Variants in ZSWIM5 observed in about 807,000 individuals in gnomAD.
ZSWIM5 encodes zinc finger SWIM domain-containing protein 5.
A neutral mutation model predicts 119.6 loss-of-function variants in ZSWIM5; 55 were observed. The observed-to-expected ratio is 0.46, with a 90% CI of 0.37 to 0.58. The LOEUF (loss-of-function observed/expected upper bound fraction) is 0.58, where lower values mean the gene tolerates loss of function less well. Ranked by LOEUF, ZSWIM5 falls within the 20% of genes least tolerant of loss-of-function variation. ZSWIM5 has a pLI of 0.00. For synonymous variants in ZSWIM5, 537 were observed against 606.9 expected (o/e 0.88, Z 1.69); for missense variants, 1,193 against 1,512.8 (o/e 0.79, Z 3.51).
At chr1:45,064,021 G>A (rs16832411) in intron 2 of ZSWIM5, among the ~76,000 whole-genome samples, 22,616 of 151,654 alleles carry the variant, frequency 0.15, 2,153 homozygotes, top group African/African-American at 0.26. Context: ...AGTGTACAGA[G>A]AGGCTAACAC....
chr1:45,199,447 C>T (rs960049696), intron 1 of ZSWIM5, among the ~76,000 whole-genome samples: 6 of 152,092 alleles, frequency 3.9e-5, no homozygotes, highest in African/African-American at 7.2e-5. Context: ...TACAGGCATA[C>T]GCCACCACAC....
At chr1:45,167,537 A>G (rs959108803) in intron 1 of ZSWIM5, among the ~76,000 whole-genome samples, 1 of 152,112 alleles carries the variant, frequency 6.6e-6, no homozygotes, top group Non-Finnish European at 1.5e-5. Flanking sequence ...TGAACAGGCA[A>G]CCTACAGAAT....
intron 4 of ZSWIM5, among the ~76,000 whole-genome samples, chr1:45,055,212 A>C (rs182456935): frequency 2.6e-5 from 4 of 152,154 alleles, no homozygotes; most frequent in Admixed American, 6.5e-5. Flanking sequence ...GGATGGTCTC[A>C]ATCTCCTGAC....
At chr1:45,118,689 C>T (rs1226436316) in intron 1 of ZSWIM5, among the ~76,000 whole-genome samples, 1 of 146,754 alleles carries the variant, frequency 6.8e-6, no homozygotes, top group African/African-American at 2.5e-5. Context: ...TTGCAGTGAG[C>T]TGAGATGAAG....
At chr1:45,094,810 G>A (rs1181336016) in intron 1 of ZSWIM5, among the ~76,000 whole-genome samples, 1 of 151,018 alleles carries the variant, frequency 6.6e-6, no homozygotes, top group African/African-American at 2.4e-5. Context: ...CTGGGAGATC[G>A]AGGTTACAGT....
At chr1:45,079,313 C>A (rs1489868129) in intron 2 of ZSWIM5, among the ~76,000 whole-genome samples, 1 of 152,246 alleles carries the variant, frequency 6.6e-6, no homozygotes, top group Non-Finnish European at 1.5e-5. Context: ...GTTGCTTACA[C>A]AAAGCCTGTT....
intron 1 of ZSWIM5, among the ~76,000 whole-genome samples, chr1:45,099,351 A>T (rs1438037450): frequency 6.6e-6 from 1 of 152,256 alleles, no homozygotes. Flanking sequence ...TAAACCAGGA[A>T]GAAATTGAAT....
At chr1:45,172,266 G>A (rs1050658360) in intron 1 of ZSWIM5, among the ~76,000 whole-genome samples, 1 of 152,022 alleles carries the variant, frequency 6.6e-6, no homozygotes, top group Admixed American at 6.6e-5. Flanking sequence ...AATATTAATA[G>A]TTGTACTCGT....
chr1:45,129,095 T>A (rs540686752), intron 1 of ZSWIM5, among the ~76,000 whole-genome samples: 1 of 152,118 alleles, frequency 6.6e-6, no homozygotes, highest in African/African-American at 2.4e-5. Flanking sequence ...TTTCCCCTTA[T>A]TTAGGTCTTC....
chr1:45,065,724 A>G (rs1250143690), intron 2 of ZSWIM5, among the ~76,000 whole-genome samples: 1 of 152,184 alleles, frequency 6.6e-6, no homozygotes, highest in East Asian at 1.9e-4. Flanking sequence ...AGCAGCAAAA[A>G]AGGAAGTGAG....
At chr1:45,192,982 C>T (rs1646101080) in intron 1 of ZSWIM5, among the ~76,000 whole-genome samples, 1 of 152,114 alleles carries the variant, frequency 6.6e-6, no homozygotes, top group African/African-American at 2.4e-5. Flanking sequence ...AGTCCTTTCC[C>T]ATTTTTGAAT....
chr1:45,061,516 A>G (rs1333299799), intron 2 of ZSWIM5, among the ~76,000 whole-genome samples: 1 of 151,772 alleles, frequency 6.6e-6, no homozygotes, highest in Admixed American at 6.6e-5. Context: ...GATTTCAGGC[A>G]TGTGCCACCA....
At position 45,020,792 on chromosome 1, in the gene ZSWIM5, T is replaced by C. The variant is rs1219419959; in HGVS notation, c.2450-4A>G. 50 of 1,613,566 alleles carry C rather than the reference T, an allele frequency of 3.1e-5. No homozygotes were observed. The highest frequency in any genetic ancestry group is 1.7e-4 in the Middle Eastern group (1 of 6,052). On this transcript the variant is annotated splice_polypyrimidine_tract_variant and splice_region_variant and intron_variant, in intron 11 of 13. Coordinates refer to ENST00000359600, the MANE Select transcript of ZSWIM5 (RefSeq NM_020883.2). Reference sequence around the variant, plus strand: ...GTTCGGAGTCTCAAAGTGTCTCCTATAGGTGTCAAGAGAAGGGGCAGGGTC... The same window carrying C: ...GTTCGGAGTCTCAAAGTGTCTCCTACAGGTGTCAAGAGAAGGGGCAGGGTC...
intron 1 of ZSWIM5, among the ~76,000 whole-genome samples, chr1:45,115,216 G>T (rs1024719386): frequency 4.0e-5 from 6 of 151,858 alleles, no homozygotes; most frequent in Non-Finnish European, 8.8e-5. Flanking sequence ...CCCAGATGGG[G>T]CAGCCAGGCA....
chr1:45,112,812 C>G (rs1207755305), intron 1 of ZSWIM5, among the ~76,000 whole-genome samples: 2 of 152,138 alleles, frequency 1.3e-5, no homozygotes, highest in Non-Finnish European at 1.5e-5. Flanking sequence ...TTCCTTTGTA[C>G]CAGAGCATCA....
At chr1:45,122,180 T>G (rs2149027930) in intron 1 of ZSWIM5, among the ~76,000 whole-genome samples, 1 of 152,344 alleles carries the variant, frequency 6.6e-6, no homozygotes, top group South Asian at 2.1e-4. Context: ...GAAAACTGGC[T>G]CTGGAATCAG....
chr1:45,181,582 G>A lies in ZSWIM5; in HGVS notation c.595+24174C>T, dbSNP rs543470883. 4.7e-4 allele frequency among the ~76,000 whole-genome samples: 71 copies of A among 151,956 alleles called. 1 individual carries two copies. In the East Asian group the frequency reaches 0.012, roughly 26 times the overall value. Reference sequence around the variant, plus strand: ...TTCAGATTCTGGAAATACAGAGAACGCCACAAAGATACTCCTCGAGAAGAG... The same window carrying A: ...TTCAGATTCTGGAAATACAGAGAACACCACAAAGATACTCCTCGAGAAGAG... On this transcript the variant is annotated intron_variant, in intron 1 of 13. Coordinates refer to ENST00000359600, the MANE Select transcript of ZSWIM5 (RefSeq NM_020883.2).
chr1:45,202,992 G>GT (rs1385782336), intron 1 of ZSWIM5, among the ~76,000 whole-genome samples: 1 of 151,926 alleles, frequency 6.6e-6, no homozygotes, highest in African/African-American at 2.4e-5. Flanking sequence ...ACATTCATAT[G>GT]TTTTCAATAG....
chr1:45,161,950 C>G (rs1287829550), intron 1 of ZSWIM5, among the ~76,000 whole-genome samples: 1 of 152,198 alleles, frequency 6.6e-6, no homozygotes, highest in Non-Finnish European at 1.5e-5. Context: ...CAATCCATCT[C>G]CCACTTCCAG....
Sources: gnomAD v4.1 joint callset for allele counts (sites outside exome capture counted in the v4.1 genomes callset) on GRCh38, gnomAD v4.1.1 for gene constraint, MANE v1.5 for transcripts, NCBI Gene and HGNC (gene_info 2026-07-23, HGNC 2026-07-21) for gene names.